The following SYNE1 variants were observed in gnomAD, a reference collection of about 807,000 sequenced individuals.
SYNE1 encodes the protein nesprin-1.
Under a neutral mutation model 1,111.0 loss-of-function variants are expected in SYNE1, and 616 were observed. That is an observed-to-expected ratio of 0.55 (90% CI 0.52 to 0.59). The LOEUF is 0.59. SYNE1 is among the 20% of genes least tolerant of loss of function. The pLI, the probability that SYNE1 is intolerant of heterozygous loss-of-function variation, is 0.00. For synonymous variants in SYNE1, 3,855 were observed against 3,825.8 expected (o/e 1.01, Z -0.28); for missense variants, 10,006 against 10,417.0 (o/e 0.96, Z 1.72).
Position 152,463,500 on chromosome 6 carries a change from T to C in SYNE1, c.1950A>G (p.Leu650=). Residue 650 remains leucine (L), a synonymous_variant, in exon 19 of 146, where the codon TTA becomes TTG. Transcript: ENST00000367255. Reference sequence around the variant, plus strand: ...CAGTATGCTGCTGAATCCAATGAGGTAAATTTCGAAAAAAATCCTAAACAA... The same window carrying C: ...CAGTATGCTGCTGAATCCAATGAGGCAAATTTCGAAAAAAATCCTAAACAA... ...ENAKKDFFRN[L]PHWIQQHTAM... 6.2e-7 allele frequency: 1 copy of C among 1,613,258 alleles called. No individual in the cohort carries two copies.
intron 111 of SYNE1, 151 bp from the exon 112 acceptor site, chr6:152,234,114 T>C: frequency 1.2e-6 from 1 of 858,990 alleles, no homozygotes; most frequent in Admixed American, 2.3e-5. Flanking sequence ...AGTACACCCT[T>C]GCCCTCGAAT....
chr6:152,140,651 G>A (rs1252909196), intron 139 of SYNE1, among the ~76,000 whole-genome samples: 1 of 151,856 alleles, frequency 6.6e-6, no homozygotes, highest in Non-Finnish European at 1.5e-5. Context: ...GCAACACAGC[G>A]AGACTTCATC....
intron 99 of SYNE1, 142 bp from the exon 100 acceptor site, chr6:152,268,307 G>A: frequency 3.2e-6 from 2 of 625,720 alleles, no homozygotes; most frequent in East Asian, 3.2e-5. Flanking sequence ...TGAGGTTTAT[G>A]TAAATATTCA....
At chr6:152,195,809 A>G (rs977374112) in intron 127 of SYNE1, among the ~76,000 whole-genome samples, 1 of 152,144 alleles carries the variant, frequency 6.6e-6, no homozygotes, top group Non-Finnish European at 1.5e-5. Flanking sequence ...TGTAACCACT[A>G]CTTGGCTACT....
intron 117 of SYNE1, among the ~76,000 whole-genome samples, chr6:152,224,264 C>G (rs2080938959): frequency 6.6e-6 from 1 of 152,116 alleles, no homozygotes; most frequent in African/African-American, 2.4e-5. Flanking sequence ...TTTTTTACAA[C>G]AGGATCTTGG....
intron 115 of SYNE1, among the ~76,000 whole-genome samples, chr6:152,228,166 T>C (rs1188341309): frequency 6.6e-6 from 1 of 152,214 alleles, no homozygotes; most frequent in Non-Finnish European, 1.5e-5. Context: ...TCAAGACCTG[T>C]AGTATAGCCA....
intron 3 of SYNE1, among the ~76,000 whole-genome samples, chr6:152,577,855 C>T (rs2099504876): frequency 1.3e-5 from 2 of 151,894 alleles, no homozygotes. Flanking sequence ...TATACCTTGC[C>T]TACTTGCAAA....
intron 67 of SYNE1, 44 bp from the exon 68 acceptor site, chr6:152,353,788 T>A: frequency 6.2e-7 from 1 of 1,610,412 alleles, no homozygotes; most frequent in Non-Finnish European, 8.5e-7. Flanking sequence ...ATCTTAGCCA[T>A]TCGAATAAGC....
intron 34 of SYNE1, among the ~76,000 whole-genome samples, chr6:152,431,492 G>T (rs1004675711): frequency 1.3e-5 from 2 of 152,182 alleles, no homozygotes; most frequent in African/African-American, 4.8e-5. Context: ...AACTATTAAG[G>T]AAGTGTGTGC....
intron 16 of SYNE1, 107 bp downstream of exon 16, chr6:152,471,490 T>C: frequency 8.9e-7 from 1 of 1,119,182 alleles, no homozygotes; most frequent in South Asian, 1.3e-5. Context: ...ACACACGCTA[T>C]CTTTATGTTT....
intron 18 of SYNE1, 65 bp from the exon 19 acceptor site, chr6:152,463,582 T>C (rs2098746790): frequency 1.5e-6 from 2 of 1,322,582 alleles, no homozygotes; most frequent in East Asian, 4.8e-5. Flanking sequence ...GATATGAAAG[T>C]GACTAAAGTA....
intron 134 of SYNE1, 110 bp from the exon 135 acceptor site, chr6:152,151,800 G>A: frequency 6.6e-7 from 1 of 1,507,444 alleles, no homozygotes; most frequent in Non-Finnish European, 9.0e-7. Flanking sequence ...TTCTCAGCAA[G>A]CAATGAGAAG....
At chr6:152,362,111 C>A in intron 64 of SYNE1, 59 bp downstream of exon 64, 3 of 1,613,510 alleles carry the variant, frequency 1.9e-6, no homozygotes, top group Non-Finnish European at 2.5e-6. Flanking sequence ...TTTTGTCTGA[C>A]TGTGGCATTC....
intron 105 of SYNE1, among the ~76,000 whole-genome samples, chr6:152,245,071 G>A (rs1214821104): frequency 6.6e-6 from 1 of 152,234 alleles, no homozygotes; most frequent in Non-Finnish European, 1.5e-5. Flanking sequence ...CATCTTTGGA[G>A]AGAGATTCAG....
intron 3 of SYNE1, among the ~76,000 whole-genome samples, chr6:152,564,562 C>T (rs2099405432): frequency 1.3e-5 from 2 of 152,216 alleles, no homozygotes; most frequent in African/African-American, 4.8e-5. Flanking sequence ...AGTGATCTGC[C>T]CACCTTGGCC....
chr6:152,557,111 C>T (rs1427526105), intron 3 of SYNE1, among the ~76,000 whole-genome samples: 2 of 151,934 alleles, frequency 1.3e-5, no homozygotes, highest in Admixed American at 1.3e-4. Flanking sequence ...GAGACAGAAA[C>T]CATACAAAAG....
Position 152,502,634 on chromosome 6 carries a change from T to G in SYNE1, c.887A>C (p.Asp296Ala). ...TACTTGAAGAAAGCAAATACCTACA[T>G]CATCCTCTTGCCCATCAGTGCTTGC... ...HNASTDGQED[D>A]EILPGFPSFA... The change falls in exon 10 of 146, where the codon GAT (aspartate) becomes GCT (alanine). Residue 296 changes from aspartate to alanine, a missense_variant and splice_region_variant. By Grantham distance (126) the Asp-to-Ala change is moderately radical. Coordinates refer to ENST00000367255, the MANE Select transcript of SYNE1 (RefSeq NM_182961.4). The G allele has an allele frequency of 1.9e-6, 3 of 1,610,732 alleles. No homozygotes were observed. The highest frequency in any genetic ancestry group is 2.5e-6 in the Non-Finnish European group (3 of 1,177,014).
intron 127 of SYNE1, among the ~76,000 whole-genome samples, chr6:152,197,504 T>C (rs2074410690): frequency 6.6e-6 from 1 of 152,220 alleles, no homozygotes; most frequent in Non-Finnish European, 1.5e-5. Flanking sequence ...TAATAAGACT[T>C]GGAAGTTGAA....
At position 152,331,264 on chromosome 6, in the gene SYNE1, C is replaced by T. The variant is rs771898973; in HGVS notation, c.13421G>A (p.Arg4474Gln). 82 of 1,613,990 alleles carry T rather than the reference C, an allele frequency of 5.1e-5. No individual in the cohort carries two copies. Among genetic ancestry groups the T allele is most frequent in the Admixed American group, 5.0e-5 (3 of 60,000 alleles). The change falls in exon 78 of 146, where the codon CGA becomes CAA. Residue 4474 changes from arginine (R) to glutamine (Q), a missense_variant. Transcript: ENST00000367255. ...QATSQIQQHE[R>Q]KIMFREHICL... is the part of the protein sequence containing the mutation. ...GATGTGTTCACGGAACATTATCTTT[C>T]GCTCATGTTGCTGAATTTGGCTGGT...
Sources: gnomAD v4.1 joint callset for allele counts (sites outside exome capture counted in the v4.1 genomes callset) on GRCh38, gnomAD v4.1.1 for gene constraint, MANE v1.5 for transcripts, NCBI Gene and HGNC (gene_info 2026-07-23, HGNC 2026-07-21) for gene names.